Variants in FBN1 observed in about 807,000 individuals in gnomAD.
FBN1 encodes fibrillin-1.
A neutral mutation model predicts 365.1 loss-of-function variants in FBN1; 29 were observed. The observed-to-expected ratio is 0.08, with a 90% CI of 0.06 to 0.11. FBN1 has a LOEUF of 0.11. Among genes scored for constraint, FBN1 ranks in the 10% least tolerant of loss-of-function variants. The pLI is 1.00. For missense variants in FBN1, 2,476 were observed against 3,703.2 expected (o/e 0.67, Z 8.60); for synonymous variants, 1,210 against 1,270.5 (o/e 0.95, Z 1.01).
Position 48,456,623 on chromosome 15 carries a change from A to T in FBN1, c.5422+14T>A. On this transcript the variant is annotated intron_variant, in intron 44 of 65. Transcript: ENST00000316623. Reference sequence around the variant, plus strand: ...GCTCTTTTCTGGATATGATAAAGTCATGATGCCACTTACCTTCACAAACCA... The same window carrying T: ...GCTCTTTTCTGGATATGATAAAGTCTTGATGCCACTTACCTTCACAAACCA... 3 of 1,613,356 alleles carry T rather than the reference A, an allele frequency of 1.9e-6. No individual in the cohort carries two copies. The highest frequency in any genetic ancestry group is 2.5e-6 in the Non-Finnish European group (3 of 1,179,632).
chr15:48,529,706 CTG>C (rs1220407140), intron 8 of FBN1: 1 of 151,710 alleles, frequency 6.6e-6, no homozygotes, highest in Middle Eastern at 3.4e-3. Context: ...GCCACTGAGC[CTG>C]TGAGCTTAAC....
chr15:48,428,568 C>G (rs1357546832), intron 56 of FBN1, 97 bp from the exon 57 acceptor site: 3 of 1,347,062 alleles, frequency 2.2e-6, no homozygotes, highest in South Asian at 2.4e-5. Flanking sequence ...TCCTCCCTCC[C>G]TCCTTCCCTC....
intron 2 of FBN1, among the ~76,000 whole-genome samples, chr15:48,634,901 A>ACACC: frequency 6.8e-6 from 1 of 147,342 alleles, no homozygotes; most frequent in Admixed American, 6.8e-5. Flanking sequence ...ACACACACAC[A>ACACC]CAAAATGAAA....
intron 17 of FBN1, among the ~76,000 whole-genome samples, chr15:48,503,275 C>G (rs970419328): frequency 4.9e-5 from 6 of 122,284 alleles, no homozygotes; most frequent in African/African-American, 2.0e-4. Context: ...CCAGCCTGGG[C>G]AACAGGGCGA....
rs768359529 is a variant in FBN1 at position 48,496,060 on chromosome 15, A to T, written c.2419+40T>A. The T allele has an allele frequency of 1.4e-5, 23 of 1,612,698 alleles. No homozygotes were observed. In the East Asian group the frequency reaches 4.7e-4, roughly 33 times the overall value. ...TGGTTTTCTAATGGCATTCCAAAAGATAGCAAAGTACACAGTATAAGAACA... is the reference window on the plus strand; with the variant it reads ...TGGTTTTCTAATGGCATTCCAAAAGTTAGCAAAGTACACAGTATAAGAACA... On this transcript the variant is annotated intron_variant, in intron 20 of 65. Coordinates refer to ENST00000316623, the MANE Select transcript of FBN1 (RefSeq NM_000138.5).
In FBN1 at chr15:48,574,004, G is replaced by A. The variant is rs190452632; in HGVS notation, c.538+22279C>T. On this transcript the variant is annotated intron_variant, in intron 6 of 65. Coordinates refer to ENST00000316623, the MANE Select transcript of FBN1 (RefSeq NM_000138.5). The stretch of plus-strand genomic sequence containing the variant: ...AGGCCTCTTTAGCCTTGTCCCGACC[G>A]CACGGGTCCTGTTCTCATGGTGTGG... Among the ~76,000 whole-genome samples, 88 of 152,316 alleles carry A rather than the reference G, an allele frequency of 5.8e-4. 1 individual carries two copies. Among genetic ancestry groups the A allele is most frequent in the Admixed American group, 1.6e-3 (24 of 15,310 alleles).
At chr15:48,612,672 G>A (rs145874626) in intron 3 of FBN1, among the ~76,000 whole-genome samples, 120 of 152,258 alleles carry the variant, frequency 7.9e-4, no homozygotes, top group African/African-American at 1.1e-3. Flanking sequence ...GGTAAGGCCC[G>A]TGAGTGGCCA....
rs989470412 is a variant in FBN1, at chr15:48,644,840, C to A, written c.-71G>T. On this transcript the variant is annotated 5_prime_UTR_variant, in exon 2 of 66. Coordinates refer to ENST00000316623, the MANE Select transcript of FBN1 (RefSeq NM_000138.5). ...GGCTCGGTCTGCGGCCGCCGCTGCG[C>A]CCTGAAGCGCACCGCGCCGCCGGGG... is the stretch of plus-strand genomic sequence containing the variant. The A allele has an allele frequency of 7.0e-7, 1 of 1,428,610 alleles. No individual in the cohort carries two copies. The allele number at this position is 1,428,610 out of a possible 1,614,324, so 88.5% of individuals were successfully genotyped here.
At chr15:48,499,799 G>T (rs2043639742) in intron 17 of FBN1, among the ~76,000 whole-genome samples, 1 of 152,148 alleles carries the variant, frequency 6.6e-6, no homozygotes, top group African/African-American at 2.4e-5. Flanking sequence ...CACTATCCAA[G>T]GAAAGGAAAC....
At chr15:48,608,609 C>A (rs903064795) in intron 4 of FBN1, among the ~76,000 whole-genome samples, 1 of 152,154 alleles carries the variant, frequency 6.6e-6, no homozygotes, top group Non-Finnish European at 1.5e-5. Flanking sequence ...TTTCAAGTAA[C>A]CCCAAAGATC....
chr15:48,465,512 T>G lies in FBN1; in HGVS notation c.4942+56A>C, dbSNP rs184713222. 417 of 1,605,378 alleles carry G rather than the reference T, an allele frequency of 2.6e-4. No individual in the cohort carries two copies. In the African/African-American group the frequency reaches 4.8e-3, roughly 18 times the overall value. ...TTTTCCTAGTAACCATATTCTGGTTTTGCAGGTCAGTTCTTGATATCTGCA... is the reference window on the plus strand; with the variant it reads ...TTTTCCTAGTAACCATATTCTGGTTGTGCAGGTCAGTTCTTGATATCTGCA... On this transcript the variant is annotated intron_variant, in intron 40 of 65. Coordinates refer to ENST00000316623, the MANE Select transcript of FBN1 (RefSeq NM_000138.5).
At position 48,437,452 on chromosome 15, in the gene FBN1, AT is replaced by A. The variant is rs1459806460; in HGVS notation, c.6314-66del. 4.4e-6 allele frequency: 6 copies of A among 1,356,010 alleles called. No homozygotes were observed. In the African/African-American group the frequency reaches 8.6e-5, roughly 19 times the overall value. The allele number at this position is 1,356,010 out of a possible 1,614,324, so 84.0% of individuals were successfully genotyped here. ...ATTCATTACAAGCTTCTCCACAAGTATTTTGAGGTAGAAAATTGCTACATGC... is the reference window on the plus strand; with the variant it reads ...ATTCATTACAAGCTTCTCCACAAGTATTTGAGGTAGAAAATTGCTACATGC... On this transcript the variant is annotated intron_variant, in intron 51 of 65. Transcript: ENST00000316623.
At chr15:48,588,025 G>A (rs565100378) in intron 6 of FBN1, among the ~76,000 whole-genome samples, 85 of 152,168 alleles carry the variant, frequency 5.6e-4, no homozygotes, top group African/African-American at 1.7e-3. Context: ...GCAGAAGGAA[G>A]GAAAAGAAAG....
chr15:48,455,307 A>C (rs2078449041), intron 44 of FBN1, among the ~76,000 whole-genome samples: 1 of 152,212 alleles, frequency 6.6e-6, no homozygotes, highest in Non-Finnish European at 1.5e-5. Context: ...TGGATCTAGC[A>C]AGGTCTAAGT....
chr15:48,523,883 G>A (rs12909189), intron 9 of FBN1, among the ~76,000 whole-genome samples: 20,464 of 152,232 alleles, frequency 0.13, 1,397 homozygotes, highest in Non-Finnish European at 0.14. Flanking sequence ...ATCTGGCGAA[G>A]AGGAGGAGGA....
rs754364317 is a variant in FBN1 at position 48,510,154 on chromosome 15, A to G, written c.1604T>C (p.Leu535Ser). 1.2e-6 allele frequency: 2 copies of G among 1,613,368 alleles called. No homozygotes were observed. Among genetic ancestry groups the G allele is most frequent in the Admixed American group, 3.3e-5 (2 of 59,972 alleles). The change falls in exon 14 of 66, where the codon TTA becomes TCA. Residue 535 changes from leucine (L) to serine (S), a missense_variant. This residue lies in a region of FBN1 where 1,780 missense variants were observed against 2,840.8 expected (regional missense o/e 0.63). Coordinates refer to ENST00000316623, the MANE Select transcript of FBN1 (RefSeq NM_000138.5). ...RTECRDIDEC[L>S]QNGRICNNGR... ...ATTATTGCAGATCCGGCCATTCTGT[A>G]AACACTCATCAATGTCTAAAATCAA...
At chr15:48,578,557 CTTCTAG>C (rs911559080) in intron 6 of FBN1, among the ~76,000 whole-genome samples, 4 of 151,950 alleles carry the variant, frequency 2.6e-5, no homozygotes, top group Non-Finnish European at 5.9e-5. Context: ...TCAAATGGTA[CTTCTAG>C]TTCTAGATCC....
At chr15:48,546,846 G>A (rs2044097189) in intron 6 of FBN1, among the ~76,000 whole-genome samples, 1 of 152,134 alleles carries the variant, frequency 6.6e-6, no homozygotes, top group African/African-American at 2.4e-5. Context: ...ACGTGTGGAT[G>A]GATCAGATGG....
intron 8 of FBN1, among the ~76,000 whole-genome samples, chr15:48,532,625 T>C (rs747751515): frequency 7.2e-5 from 11 of 151,924 alleles, no homozygotes; most frequent in Non-Finnish European, 1.0e-4. Context: ...AAGAGGTAAA[T>C]TTGAGCAGTC....
Sources: gnomAD v4.1 joint callset for allele counts (sites outside exome capture counted in the v4.1 genomes callset) on GRCh38, gnomAD v4.1.1 for gene constraint, gnomAD v4.1.1 regional missense constraint, MANE v1.5 for transcripts, NCBI Gene and HGNC (gene_info 2026-07-23, HGNC 2026-07-21) for gene names.